The following ELOVL2 variants were observed in gnomAD, a reference collection of about 807,000 sequenced individuals.
The protein encoded by ELOVL2 is ELOVL fatty acid elongase 2.
A neutral mutation model predicts 37.7 loss-of-function variants in ELOVL2; 38 were observed. The ratio of observed to expected loss-of-function variants is 1.01; its 90% CI spans 0.78 to 1.32. The LOEUF (loss-of-function observed/expected upper bound fraction) is 1.32. Ranked by LOEUF, ELOVL2 falls within the 40% of genes most tolerant of loss-of-function variation. ELOVL2 has a pLI of 0.00. For synonymous variants in ELOVL2, 115 were observed against 122.3 expected (o/e 0.94, Z 0.40); for missense variants, 352 against 363.6 (o/e 0.97, Z 0.26).
At chr6:10,999,595 C>T (rs1013728179) in intron 4 of ELOVL2, among the ~76,000 whole-genome samples, 36 of 152,156 alleles carry the variant, frequency 2.4e-4, no homozygotes, top group African/African-American at 7.9e-4. Context: ...AGGCTGGTCT[C>T]GAACTCCTGA....
chr6:11,020,286 T>C (rs1016550923), intron 1 of ELOVL2, among the ~76,000 whole-genome samples: 1 of 152,208 alleles, frequency 6.6e-6, no homozygotes, highest in Non-Finnish European at 1.5e-5. Flanking sequence ...CTAAAAAGTA[T>C]GACCCTGTTT....
intron 5 of ELOVL2, among the ~76,000 whole-genome samples, chr6:10,991,383 G>A (rs1366430655): frequency 1.3e-5 from 2 of 152,108 alleles, no homozygotes; most frequent in African/African-American, 4.8e-5. Context: ...GAGGGATTGT[G>A]GCATTAGAGG....
intron 7 of ELOVL2, among the ~76,000 whole-genome samples, chr6:10,985,173 G>A (rs1175816144): frequency 3.9e-5 from 6 of 152,058 alleles, no homozygotes; most frequent in African/African-American, 1.5e-4. Context: ...CTTTTGAGAA[G>A]TGTCTGTTCA....
intron 7 of ELOVL2, among the ~76,000 whole-genome samples, chr6:10,988,889 A>G (rs1782094884): frequency 6.6e-6 from 1 of 152,232 alleles, no homozygotes; most frequent in Non-Finnish European, 1.5e-5. Flanking sequence ...ATGACACTGG[A>G]TAAAGACGTC....
rs765123757 is a variant in ELOVL2, at chr6:11,015,497, T to TG, written c.4-4689dup. ...CCAGCAGCACCAGCACCACCTCTAA[T>TG]GCCCCGTCCATCGCCACCACCAGGA... is the stretch of plus-strand genomic sequence containing the variant. On this transcript the variant is annotated intron_variant, in intron 1 of 7. Transcript: ENST00000354666. The TG allele has an allele frequency of 2.7e-4, 42 of 153,912 alleles. No individual in the cohort carries two copies. The Middle Eastern group carries it at 9.9e-3, about 36-fold the overall frequency. The allele number at this position is 153,912 out of a possible 1,614,324, so 9.5% of individuals were successfully genotyped here.
chr6:10,991,363 C>A (rs1013525735), intron 5 of ELOVL2, among the ~76,000 whole-genome samples: 8 of 152,172 alleles, frequency 5.3e-5, no homozygotes, highest in African/African-American at 1.9e-4. Flanking sequence ...TGCGAGCTAT[C>A]CTGTGGTGGG....
intron 1 of ELOVL2, among the ~76,000 whole-genome samples, chr6:11,020,760 C>T (rs1219027639): frequency 2.2e-4 from 34 of 152,178 alleles, no homozygotes. Flanking sequence ...CAGCATTTTT[C>T]CCCCTAATAG....
Position 10,994,998 on chromosome 6 carries a change from A to G in ELOVL2, c.505+9T>C. On this transcript the variant is annotated intron_variant, in intron 5 of 7. Coordinates refer to ENST00000354666, the MANE Select transcript of ELOVL2 (RefSeq NM_017770.4). ...TCCTCAAAACGGAAAAATTAACAAA[A>G]TAACTTACTTTGTCCACAAGGTATC... 5 of 1,577,130 alleles carry G rather than the reference A, an allele frequency of 3.2e-6. No homozygotes were observed. Among genetic ancestry groups the G allele is most frequent in the Non-Finnish European group, 4.3e-6 (5 of 1,162,150 alleles).
chr6:11,037,497 A>G (rs1383522110), intron 1 of ELOVL2, among the ~76,000 whole-genome samples: 1 of 151,778 alleles, frequency 6.6e-6, no homozygotes, highest in African/African-American at 2.4e-5. Context: ...GTGTAAAGCT[A>G]CTGCTGTTCT....
intron 7 of ELOVL2, among the ~76,000 whole-genome samples, chr6:10,986,991 G>T (rs2113465705): frequency 6.6e-6 from 1 of 152,216 alleles, no homozygotes; most frequent in South Asian, 2.1e-4. Context: ...GACTCTTTTT[G>T]GTTGGTAAGC....
At chr6:11,031,540 T>C (rs542323336) in intron 1 of ELOVL2, among the ~76,000 whole-genome samples, 3 of 152,342 alleles carry the variant, frequency 2.0e-5, no homozygotes, top group Admixed American at 2.0e-4. Context: ...ATGTCTCTAA[T>C]GGATGGCTTG....
At chr6:11,042,321 AAAG>A (rs1369007092) in intron 1 of ELOVL2, among the ~76,000 whole-genome samples, 1 of 152,122 alleles carries the variant, frequency 6.6e-6, no homozygotes, top group Non-Finnish European at 1.5e-5. Flanking sequence ...ACAAAAAAAG[AAAG>A]AAGAAAAAAG....
At chr6:11,020,616 A>G (rs1173650633) in intron 1 of ELOVL2, among the ~76,000 whole-genome samples, 2 of 152,196 alleles carry the variant, frequency 1.3e-5, no homozygotes, top group East Asian at 3.8e-4. Flanking sequence ...ACCTCAGAGG[A>G]ATAAGATGAC....
chr6:10,988,117 C>T (rs578137373), intron 7 of ELOVL2, among the ~76,000 whole-genome samples: 20 of 152,378 alleles, frequency 1.3e-4, no homozygotes, highest in Non-Finnish European at 2.4e-4. Flanking sequence ...GGGGTTTGCA[C>T]ACCCACACAT....
intron 1 of ELOVL2, among the ~76,000 whole-genome samples, chr6:11,028,658 C>T (rs1390796581): frequency 1.3e-5 from 2 of 151,698 alleles, no homozygotes; most frequent in African/African-American, 4.9e-5. Flanking sequence ...AGTTGCCCCC[C>T]ATCACTGATT....
At chr6:11,020,420 GT>G (rs1782749434) in intron 1 of ELOVL2, among the ~76,000 whole-genome samples, 1 of 152,156 alleles carries the variant, frequency 6.6e-6, no homozygotes, top group East Asian at 1.9e-4. Context: ...GGCAATAAGC[GT>G]TTGGATAAAT....
intron 1 of ELOVL2, among the ~76,000 whole-genome samples, chr6:11,012,928 T>C (rs1782609389): frequency 6.6e-6 from 1 of 152,212 alleles, no homozygotes; most frequent in South Asian, 2.1e-4. Context: ...TTAAATATTA[T>C]AAGAGATGTG....
chr6:11,034,563 T>A (rs536548354), intron 1 of ELOVL2, among the ~76,000 whole-genome samples: 44 of 151,548 alleles, frequency 2.9e-4, no homozygotes, highest in Non-Finnish European at 4.6e-4. Context: ...CACACTTGTA[T>A]TCCCAGCTAC....
At chr6:10,984,041 A>G in intron 7 of ELOVL2, 135 bp from the exon 8 acceptor site, 1 of 837,004 alleles carries the variant, frequency 1.2e-6, no homozygotes, top group South Asian at 1.9e-5. Context: ...TTTTTGAGGC[A>G]GAGTTTCAAT....
Sources: allele counts gnomAD v4.1 joint callset (sites outside exome capture counted in the v4.1 genomes callset), GRCh38; gene constraint gnomAD v4.1.1; transcripts MANE v1.5; gene names NCBI Gene and HGNC (gene_info 2026-07-23, HGNC 2026-07-21).